Variants in STXBP5L observed in about 807,000 individuals in gnomAD.
The protein encoded by STXBP5L is syntaxin-binding protein 5-like.
In STXBP5L, 65 loss-of-function variants were observed where a neutral mutation model predicts 144.5. The ratio of observed to expected loss-of-function variants is 0.45; its 90% CI spans 0.37 to 0.55. STXBP5L has a LOEUF of 0.55. STXBP5L is among the 20% of genes least tolerant of loss of function. The pLI, the probability that STXBP5L is intolerant of heterozygous loss-of-function variation, is 0.00. For synonymous variants in STXBP5L, 505 were observed against 469.6 expected (o/e 1.08, Z -0.97); for missense variants, 1,298 against 1,405.5 (o/e 0.92, Z 1.22).
chr3:121,270,666 T>C (rs2050708919), intron 18 of STXBP5L, among the ~76,000 whole-genome samples: 2 of 152,196 alleles, frequency 1.3e-5, no homozygotes, highest in Non-Finnish European at 2.9e-5. Context: ...TTGACCAGGC[T>C]GGCCTTGAAC....
chr3:121,040,789 C>T (rs1184318800), intron 3 of STXBP5L, among the ~76,000 whole-genome samples: 2 of 151,954 alleles, frequency 1.3e-5, no homozygotes, highest in Non-Finnish European at 2.9e-5. Flanking sequence ...ATAAGCCTCG[C>T]CTTATATATT....
intron 5 of STXBP5L, among the ~76,000 whole-genome samples, chr3:121,113,234 T>C (rs761999470): frequency 3.3e-5 from 5 of 152,172 alleles, no homozygotes; most frequent in Non-Finnish European, 7.4e-5. Context: ...TGAACCCCTA[T>C]ATTTATGTCT....
intron 20 of STXBP5L, among the ~76,000 whole-genome samples, chr3:121,378,222 G>A (rs2046239471): frequency 6.6e-6 from 1 of 151,970 alleles, no homozygotes; most frequent in South Asian, 2.1e-4. Flanking sequence ...TAATGCATGT[G>A]GGGGTTAAAA....
intron 5 of STXBP5L, among the ~76,000 whole-genome samples, chr3:121,048,622 T>C (rs1947694433): frequency 1.3e-5 from 2 of 152,136 alleles, no homozygotes; most frequent in African/African-American, 4.8e-5. Context: ...ATTCTTCTGT[T>C]AATACTTGCA....
At chr3:121,075,892 G>C (rs1317777848) in intron 5 of STXBP5L, among the ~76,000 whole-genome samples, 1 of 152,224 alleles carries the variant, frequency 6.6e-6, no homozygotes, top group African/African-American at 2.4e-5. Flanking sequence ...CCTCTAGAGA[G>C]CAGCTTGTAT....
At chr3:121,328,126 C>G (rs1227741879) in intron 20 of STXBP5L, among the ~76,000 whole-genome samples, 1 of 152,122 alleles carries the variant, frequency 6.6e-6, no homozygotes, top group Non-Finnish European at 1.5e-5. Flanking sequence ...CTGTTTAATG[C>G]CAGGCACTAG....
chr3:121,007,875 G>A (rs575827238), intron 3 of STXBP5L, among the ~76,000 whole-genome samples: 2 of 151,972 alleles, frequency 1.3e-5, no homozygotes, highest in East Asian at 3.9e-4. Context: ...TATGCTCCAT[G>A]TTAAGTTTAC....
At chr3:121,158,908 A>T (rs2046214712) in intron 9 of STXBP5L, 2 of 151,414 alleles carry the variant, frequency 1.3e-5, no homozygotes, top group South Asian at 4.2e-4. Context: ...ATCAGTTTGG[A>T]TTGTTTTCTA....
intron 2 of STXBP5L, among the ~76,000 whole-genome samples, chr3:120,930,256 A>G (rs986267405): frequency 9.2e-5 from 14 of 151,570 alleles, no homozygotes; most frequent in Admixed American, 3.3e-4. Flanking sequence ...AAGCTAATAC[A>G]AAGTCTTATC....
chr3:121,341,066 A>G (rs1364021425), intron 20 of STXBP5L, among the ~76,000 whole-genome samples: 2 of 152,150 alleles, frequency 1.3e-5, no homozygotes. Context: ...AACTAAGTGC[A>G]GAGATAACCC....
chr3:120,991,132 A>C (rs1942815654), intron 3 of STXBP5L, among the ~76,000 whole-genome samples: 1 of 152,022 alleles, frequency 6.6e-6, no homozygotes, highest in African/African-American at 2.4e-5. Flanking sequence ...ACAAATTTAC[A>C]AGAAACAAAC....
At chr3:121,059,472 A>G (rs548512698) in intron 5 of STXBP5L, among the ~76,000 whole-genome samples, 1 of 152,106 alleles carries the variant, frequency 6.6e-6, no homozygotes, top group Non-Finnish European at 1.5e-5. Flanking sequence ...GTTTGGTTCT[A>G]TATGAAATTT....
chr3:121,014,633 A>T (rs1043910315), intron 3 of STXBP5L, among the ~76,000 whole-genome samples: 2 of 151,998 alleles, frequency 1.3e-5, no homozygotes, highest in African/African-American at 4.8e-5. Context: ...GCAAATATAT[A>T]TTTAACTTCA....
intron 9 of STXBP5L, among the ~76,000 whole-genome samples, chr3:121,204,990 TGTA>T (rs925381123): frequency 3.9e-4 from 59 of 152,332 alleles, no homozygotes; most frequent in African/African-American, 1.4e-3. Context: ...AATCATGAAA[TGTA>T]GTATCTGTGT....
At chr3:121,397,169 C>A (rs2046751468) in intron 22 of STXBP5L, among the ~76,000 whole-genome samples, 1 of 152,190 alleles carries the variant, frequency 6.6e-6, no homozygotes, top group Non-Finnish European at 1.5e-5. Context: ...ATTGTAAATG[C>A]AAACCGTTCA....
chr3:121,315,011 A>G (rs2108523202), intron 19 of STXBP5L, among the ~76,000 whole-genome samples: 1 of 152,308 alleles, frequency 6.6e-6, no homozygotes, highest in Admixed American at 6.5e-5. Flanking sequence ...ATGTGGAGAA[A>G]TAGGAACACT....
chr3:121,266,874 G>C (rs2050582917), intron 18 of STXBP5L, among the ~76,000 whole-genome samples: 1 of 152,078 alleles, frequency 6.6e-6, no homozygotes, highest in African/African-American at 2.4e-5. Context: ...TTGCTACAAA[G>C]AGAATAAAAT....
intron 18 of STXBP5L, among the ~76,000 whole-genome samples, chr3:121,262,363 C>T (rs2050411819): frequency 6.6e-6 from 1 of 152,230 alleles, no homozygotes; most frequent in African/African-American, 2.4e-5. Flanking sequence ...GATGTAGTGG[C>T]TTACGCCTGT....
At chr3:120,966,244 A>G (rs777603711) in intron 3 of STXBP5L, among the ~76,000 whole-genome samples, 18 of 152,022 alleles carry the variant, frequency 1.2e-4, no homozygotes, top group Non-Finnish European at 2.5e-4. Context: ...TAGCTCGGAG[A>G]AGTTTGTTAT....
Sources: gnomAD v4.1 joint callset for allele counts (sites outside exome capture counted in the v4.1 genomes callset) on GRCh38, gnomAD v4.1.1 for gene constraint, MANE v1.5 for transcripts, NCBI Gene and HGNC (gene_info 2026-07-23, HGNC 2026-07-21) for gene names.